FANCB: variants seen among roughly 807,000 people sequenced by gnomAD.
FANCB encodes the protein Fanconi anemia group B protein.
A neutral mutation model predicts 38.9 loss-of-function variants in FANCB; 5 were observed. The observed-to-expected ratio is 0.13, with a 90% CI of 0.07 to 0.27. The LOEUF (loss-of-function observed/expected upper bound fraction) is 0.27, where lower values mean the gene tolerates loss of function less well. Among genes scored for constraint, FANCB ranks in the 10% least tolerant of loss-of-function variants. The probability of loss-of-function intolerance (pLI) is 1.00; values close to 1 mark genes in which losing one functional copy is unlikely to be tolerated. For synonymous variants in FANCB, 236 were observed against 215.4 expected (o/e 1.10, Z -0.84); for missense variants, 573 against 602.7 (o/e 0.95, Z 0.52).
Position 14,844,734 on chromosome X carries a change from A to G in FANCB, c.1934T>C (p.Met645Thr), listed in dbSNP as rs1305820273. ...TFPKKKPIEH[M>T]EDLFALLAAF... Reference sequence around the variant, plus strand: ...TGCAAGAAGTGCAAAAAGATCTTCCATGTGCTCTACAAAAAAAGTCACAAG... The same window carrying G: ...TGCAAGAAGTGCAAAAAGATCTTCCGTGTGCTCTACAAAAAAAGTCACAAG... Residue 645 changes from methionine (M) to threonine (T), a missense_variant, in exon 9 of 10, where the codon ATG (methionine) becomes ACG (threonine). Physicochemically the swap from Met to Thr is moderately conservative, Grantham distance 81 (BLOSUM62 -1). Transcript: ENST00000650831. The G allele has an allele frequency of 2.5e-6, 3 of 1,202,183 alleles. No homozygotes were observed. Among genetic ancestry groups the G allele is most frequent in the East Asian group, 5.9e-5 (2 of 33,840 alleles).
the FANCB span, among the ~76,000 whole-genome samples, chrX:14,728,547 A>G: frequency 2.7e-5 from 3 of 112,121 alleles, no homozygotes; most frequent in Admixed American, 9.5e-5. Flanking sequence ...ATGACATGGA[A>G]TATTTGGCAA....
the FANCB span, among the ~76,000 whole-genome samples, chrX:14,760,998 A>AC: frequency 1.8e-5 from 2 of 110,430 alleles, no homozygotes; most frequent in Non-Finnish European, 3.8e-5. Flanking sequence ...AACAACAACA[A>AC]AAAAAAAACC....
chrX:14,702,289 T>C, the FANCB span, among the ~76,000 whole-genome samples: 1 of 111,626 alleles, frequency 9.0e-6, no homozygotes, highest in East Asian at 2.8e-4. Flanking sequence ...ATTGGAACTG[T>C]GGAAACATCA....
chrX:14,798,620 T>C, the FANCB span, among the ~76,000 whole-genome samples: 1 of 112,216 alleles, frequency 8.9e-6, no homozygotes, highest in African/African-American at 3.2e-5. Context: ...TCTGGCTAAG[T>C]ATGAAGTCAA....
chrX:14,818,552 G>A, the FANCB span, among the ~76,000 whole-genome samples: 2 of 110,251 alleles, frequency 1.8e-5, no homozygotes, highest in Non-Finnish European at 3.8e-5. Context: ...AAAAATTGAG[G>A]CTTCCCTGGA....
intron 3 of FANCB, among the ~76,000 whole-genome samples, chrX:14,863,065 A>T (rs148044489): frequency 0.014 from 1,574 of 112,379 alleles, 25 homozygotes; most frequent in African/African-American, 0.042. Context: ...TTCCTTTTGC[A>T]TTCTCTATGT....
At chrX:14,708,662 C>T in the FANCB span, among the ~76,000 whole-genome samples, 1 of 111,758 alleles carries the variant, frequency 8.9e-6, no homozygotes. Context: ...TCAGGCCAGG[C>T]GCGGTGGCTC....
the FANCB span, among the ~76,000 whole-genome samples, chrX:14,716,210 C>T: frequency 1.8e-5 from 2 of 111,580 alleles, no homozygotes; most frequent in Non-Finnish European, 3.8e-5. Flanking sequence ...AGGCAACATA[C>T]TAGCCAGCAT....
At chrX:14,737,588 T>A in the FANCB span, among the ~76,000 whole-genome samples, 1 of 111,895 alleles carries the variant, frequency 8.9e-6, no homozygotes, top group Non-Finnish European at 1.9e-5. Flanking sequence ...TTCTGAATAG[T>A]TGTTTCATAG....
the FANCB span, among the ~76,000 whole-genome samples, chrX:14,701,547 T>C: frequency 9.0e-6 from 1 of 110,557 alleles, no homozygotes; most frequent in Non-Finnish European, 1.9e-5. Flanking sequence ...GATGAATGGA[T>C]AAAAATATGA....
the FANCB span, among the ~76,000 whole-genome samples, chrX:14,724,626 C>CAAAAAAAAAAAAAAAAAAAAA: frequency 4.0e-5 from 2 of 49,581 alleles, no homozygotes; most frequent in African/African-American, 1.7e-4. Flanking sequence ...AACTCTGTCT[C>CAAAAAAAAAAAAAAAAAAAAA]AAAAAAAAAA....
In FANCB at chrX:14,864,613, C is replaced by T. The variant is rs757610875; in HGVS notation, c.898G>A (p.Val300Ile). 2.6e-5 allele frequency: 32 copies of T among 1,208,098 alleles called. No homozygotes were observed. The South Asian group carries it at 4.9e-4, about 19-fold the overall frequency. Reference sequence around the variant, plus strand: ...GCATTATTGGATATAAAGGATACAACGAAAAAGAGGTTTCCTCCACCTGAA... The same window carrying T: ...GCATTATTGGATATAAAGGATACAATGAAAAAGAGGTTTCCTCCACCTGAA... Reference protein sequence around the residue: ...MDSGGGNLFFVVSFISNNACA... With the variant: ...MDSGGGNLFFIVSFISNNACA... Residue 300 changes from valine to isoleucine, a missense_variant, in exon 3 of 10, where the codon GTT becomes ATT. Physicochemically the swap from Val to Ile is conservative, Grantham distance 29. Transcript: ENST00000650831.
At chrX:14,744,574 G>A in the FANCB span, among the ~76,000 whole-genome samples, 1 of 110,617 alleles carries the variant, frequency 9.0e-6, no homozygotes, top group African/African-American at 3.3e-5. Context: ...CTGTAGGAGG[G>A]AAGGAGGTGA....
chrX:14,744,751 G>A, the FANCB span, among the ~76,000 whole-genome samples: 8 of 111,845 alleles, frequency 7.2e-5, no homozygotes, highest in Non-Finnish European at 1.3e-4. Flanking sequence ...TTGATCTCAG[G>A]AAAGCCTTGG....
chrX:14,722,527 A>G, the FANCB span, among the ~76,000 whole-genome samples: 6 of 111,627 alleles, frequency 5.4e-5, no homozygotes, highest in Admixed American at 3.8e-4. Context: ...ACTCAAGTGG[A>G]GGGGATACAG....
At chrX:14,813,975 G>C in the FANCB span, among the ~76,000 whole-genome samples, 3 of 111,616 alleles carry the variant, frequency 2.7e-5, no homozygotes, top group Non-Finnish European at 5.6e-5. Context: ...TACCAAAACA[G>C]AGATATAGAC....
chrX:14,796,661 T>TACACAC, the FANCB span, among the ~76,000 whole-genome samples: 4 of 87,585 alleles, frequency 4.6e-5, no homozygotes, highest in Admixed American at 1.4e-4. Flanking sequence ...AGTGCATATA[T>TACACAC]ACACACACAC....
At chrX:14,754,971 T>C in the FANCB span, among the ~76,000 whole-genome samples, 2 of 111,510 alleles carry the variant, frequency 1.8e-5, no homozygotes, top group African/African-American at 3.3e-5. Flanking sequence ...CCAAATTCAA[T>C]AGCACATTAA....
chrX:14,698,681 CAAAAAAAAAAAAAA>C, the FANCB span, among the ~76,000 whole-genome samples: 2 of 21,125 alleles, frequency 9.5e-5, no homozygotes, highest in Admixed American at 8.7e-4. Context: ...CTATCTATCT[CAAAAAAAAAAAAAA>C]AAAAAAAAAA....
Sources: gnomAD v4.1 joint callset for allele counts (sites outside exome capture counted in the v4.1 genomes callset) on GRCh38, gnomAD v4.1.1 for gene constraint, MANE v1.5 for transcripts, NCBI Gene and HGNC (gene_info 2026-07-23, HGNC 2026-07-21) for gene names.